PSKH1: variants seen among roughly 807,000 people sequenced by gnomAD.
PSKH1 encodes the protein serine/threonine-protein kinase H1.
PSKH1 carries 12 observed loss-of-function variants against 26.7 expected under a neutral mutation model. The ratio of observed to expected loss-of-function variants is 0.45; its 90% confidence interval spans 0.29 to 0.73. PSKH1 has a LOEUF of 0.73. PSKH1 is among the 30% of genes least tolerant of loss of function. The pLI, the probability that PSKH1 is intolerant of heterozygous loss-of-function variation, is 0.11. For synonymous variants in PSKH1, 213 were observed against 234.3 expected (o/e 0.91, Z 0.83); for missense variants, 431 against 595.2 (o/e 0.72, Z 2.87).
intron 2 of PSKH1, among the ~76,000 whole-genome samples, chr16:67,912,651 C>T (rs147942208): frequency 1.3e-5 from 2 of 152,210 alleles, no homozygotes; most frequent in African/African-American, 2.4e-5. Context: ...GGCAGATCAC[C>T]TGAGGTTGGG....
intron 2 of PSKH1, among the ~76,000 whole-genome samples, chr16:67,913,833 C>T (rs1337147708): frequency 6.6e-6 from 1 of 152,160 alleles, no homozygotes; most frequent in Non-Finnish European, 1.5e-5. Context: ...GTTGATAACA[C>T]TGACCTATAA....
chr16:67,904,413 C>T (rs2058150238), intron 1 of PSKH1, among the ~76,000 whole-genome samples: 1 of 151,904 alleles, frequency 6.6e-6, no homozygotes, highest in Non-Finnish European at 1.5e-5. Context: ...ACCATATTGG[C>T]CAGACTGGTC....
At chr16:67,910,043 A>G (rs1333768097) in intron 2 of PSKH1, 2 of 484,822 alleles carry the variant, frequency 4.1e-6, no homozygotes, top group Non-Finnish European at 7.3e-6. Context: ...GGTAATAACC[A>G]TGTGGAATGT....
chr16:67,903,598 A>G (rs2058147634), intron 1 of PSKH1, among the ~76,000 whole-genome samples: 1 of 151,730 alleles, frequency 6.6e-6, no homozygotes, highest in Non-Finnish European at 1.5e-5. Flanking sequence ...CTCCCCAGAC[A>G]TCAGATTCTG....
At chr16:67,906,576 A>G (rs1159683808) in intron 1 of PSKH1, among the ~76,000 whole-genome samples, 2 of 148,318 alleles carry the variant, frequency 1.3e-5, no homozygotes, top group Admixed American at 6.7e-5. Context: ...TGTTGGCCAG[A>G]CTGGTCTTGA....
In PSKH1 at chr16:67,898,324, G is replaced by A. The variant is rs1032815437; in HGVS notation, c.-71+4953G>A. Among the ~76,000 whole-genome samples the A allele has an allele frequency of 2.6e-5, 4 of 152,216 alleles. No individual in the cohort carries two copies. The East Asian group carries it at 5.8e-4, about 22-fold the overall frequency. ...GGGGGCTGAGGCACGAGAACCGCTT[G>A]AACCTGGGAGGAGGAGGCTGCAGCG... On this transcript the variant is annotated intron_variant, in intron 1 of 2. Coordinates refer to ENST00000291041, the MANE Select transcript of PSKH1 (RefSeq NM_006742.3).
rs2058221973 is a variant in PSKH1 at position 67,927,765 on chromosome 16, C to T, written c.*123C>T. 26 of 1,189,522 alleles carry T rather than the reference C, an allele frequency of 2.2e-5. No homozygotes were observed. The highest frequency in any genetic ancestry group is 2.9e-5 in the Non-Finnish European group (25 of 866,422). The allele number at this position is 1,189,522 out of a possible 1,614,324, so 73.7% of individuals were successfully genotyped here. On this transcript the variant is annotated 3_prime_UTR_variant, in exon 3 of 3. Coordinates refer to ENST00000291041, the MANE Select transcript of PSKH1 (RefSeq NM_006742.3). This position sits in a 1 kb window ranked among gnomAD's most constrained non-coding sequence, Gnocchi z 5.5. Reference sequence around the variant, plus strand: ...CCCACAGTAGGTGAAGAATGTCTGGCTCCAGCCCTTTCTCTGTGCCTTCAG... The same window carrying T: ...CCCACAGTAGGTGAAGAATGTCTGGTTCCAGCCCTTTCTCTGTGCCTTCAG...
chr16:67,922,798 G>C (rs1233459567), intron 2 of PSKH1, among the ~76,000 whole-genome samples: 1 of 152,204 alleles, frequency 6.6e-6, no homozygotes, highest in Non-Finnish European at 1.5e-5. Flanking sequence ...CCACTCAGAA[G>C]ACACACCAAG....
chr16:67,916,235 C>A (rs2058187553), intron 2 of PSKH1, among the ~76,000 whole-genome samples: 1 of 152,176 alleles, frequency 6.6e-6, no homozygotes, highest in Non-Finnish European at 1.5e-5. Flanking sequence ...TCTGACGCAG[C>A]AGCGTTTGGA....
chr16:67,907,582 A>T (rs1821680627), intron 1 of PSKH1, among the ~76,000 whole-genome samples: 2 of 152,176 alleles, frequency 1.3e-5, no homozygotes, highest in Admixed American at 1.3e-4. Flanking sequence ...TCTTGAATGA[A>T]GACCAGGCGA....
Position 67,927,838 on chromosome 16 carries a change from G to A in PSKH1, c.*196G>A, listed in dbSNP as rs1470492915. On this transcript the variant is annotated 3_prime_UTR_variant, in exon 3 of 3. Transcript: ENST00000291041. The surrounding 1 kb of genome is among the most constrained non-coding windows in gnomAD (Gnocchi z 5.5). ...CCTGGGCCAGGTGTGACAGAGTAGAGGTAGCACAGGGGGCTGTGACTCCCC... is the reference window on the plus strand; with the variant it reads ...CCTGGGCCAGGTGTGACAGAGTAGAAGTAGCACAGGGGGCTGTGACTCCCC... 3.0e-6 allele frequency: 2 copies of A among 660,604 alleles called. No individual in the cohort carries two copies. The highest frequency in any genetic ancestry group is 5.5e-5 in the East Asian group (2 of 36,052). The allele number at this position is 660,604 out of a possible 1,614,324, so 40.9% of individuals were successfully genotyped here.
chr16:67,897,588 G>A (rs758299784), intron 1 of PSKH1, among the ~76,000 whole-genome samples: 3 of 152,076 alleles, frequency 2.0e-5, no homozygotes, highest in South Asian at 2.1e-4. Flanking sequence ...TTTGTTTGTC[G>A]CAATCTCTGG....
At chr16:67,895,040 C>A (rs2058122305) in intron 1 of PSKH1, among the ~76,000 whole-genome samples, 1 of 151,490 alleles carries the variant, frequency 6.6e-6, no homozygotes, top group African/African-American at 2.4e-5. Context: ...TCTCCTGCCT[C>A]AGCCCCCAGA....
intron 2 of PSKH1, among the ~76,000 whole-genome samples, chr16:67,911,785 G>C (rs142036611): frequency 1.3e-5 from 2 of 152,368 alleles, no homozygotes; most frequent in Non-Finnish European, 2.9e-5. Flanking sequence ...TCTGGATGTG[G>C]CTATGGGGTC....
At position 67,909,743 on chromosome 16, in the gene PSKH1, G is replaced by C. The variant is rs1315465063; in HGVS notation, c.957+37G>C. 2 of 1,570,904 alleles carry C rather than the reference G, an allele frequency of 1.3e-6. No homozygotes were observed. Among genetic ancestry groups the C allele is most frequent in the Non-Finnish European group, 1.7e-6 (2 of 1,154,656 alleles). ...CTGCCCCTGTCCTGGATGTTGGGGA[G>C]GCACCTGCGGGGGCAGGTATATCCT... is the stretch of plus-strand genomic sequence containing the variant. On this transcript the variant is annotated intron_variant, in intron 2 of 2. Coordinates refer to ENST00000291041, the MANE Select transcript of PSKH1 (RefSeq NM_006742.3). The surrounding 1 kb of genome is among the most constrained non-coding windows in gnomAD (Gnocchi z 7.8).
In PSKH1 at chr16:67,929,031, T is replaced by G. The variant is rs1305442487; in HGVS notation, c.*1389T>G. On this transcript the variant is annotated 3_prime_UTR_variant, in exon 3 of 3. Coordinates refer to ENST00000291041, the MANE Select transcript of PSKH1 (RefSeq NM_006742.3). ...GGAAGGAGCCCCTGCGGGAGGTGGG[T>G]GGGGTTGGGTGGCTGCTTTCCCAGA... The G allele has an allele frequency of 6.5e-6, 1 of 152,720 alleles. No individual in the cohort carries two copies. The highest frequency in any genetic ancestry group is 1.5e-5 in the Non-Finnish European group (1 of 68,134). 9.5% of individuals were successfully genotyped at this position (152,720 alleles called of 1,614,324 possible).
chr16:67,922,333 G>A (rs1161828147), intron 2 of PSKH1, among the ~76,000 whole-genome samples: 1 of 152,138 alleles, frequency 6.6e-6, no homozygotes, highest in Non-Finnish European at 1.5e-5. Flanking sequence ...TCTCATTCAG[G>A]CCCACGTAAG....
chr16:67,913,467 A>C (rs1197215312), intron 2 of PSKH1, among the ~76,000 whole-genome samples: 2 of 151,944 alleles, frequency 1.3e-5, no homozygotes, highest in Admixed American at 6.6e-5. Context: ...TCTTAAAAAA[A>C]ATTTTTTTTT....
In PSKH1 at chr16:67,927,666, A is replaced by T. The variant is rs144745391; in HGVS notation, c.*24A>T. ...GAGCCGCCTGGCTGTGCACACATGC[A>T]GCACGACCCAGCCTGGCCACACACT... On this transcript the variant is annotated 3_prime_UTR_variant, in exon 3 of 3. Coordinates refer to ENST00000291041, the MANE Select transcript of PSKH1 (RefSeq NM_006742.3). This position sits in a 1 kb window ranked among gnomAD's most constrained non-coding sequence, Gnocchi z 5.5. 6.3e-7 allele frequency: 1 copy of T among 1,576,352 alleles called. No individual in the cohort carries two copies. The highest frequency in any genetic ancestry group is 8.6e-7 in the Non-Finnish European group (1 of 1,165,856).
Sources: allele counts gnomAD v4.1 joint callset (sites outside exome capture counted in the v4.1 genomes callset), GRCh38; gene constraint gnomAD v4.1.1; non-coding constraint Gnocchi (gnomAD v3.1); transcripts MANE v1.5; gene names NCBI Gene and HGNC (gene_info 2026-07-23, HGNC 2026-07-21).